The following KHDRBS2 variants were observed in gnomAD, a reference collection of about 807,000 sequenced individuals.
The protein encoded by KHDRBS2 is KH RNA binding domain containing, signal transduction associated 2, also known as KH domain-containing, RNA-binding, signal transduction-associated protein 2.
Under a neutral mutation model 44.3 loss-of-function variants are expected in KHDRBS2, and 26 were observed. The observed-to-expected ratio is 0.59, with a 90% confidence interval of 0.43 to 0.81. The LOEUF is 0.81. Ranked by LOEUF, KHDRBS2 falls within the 40% of genes least tolerant of loss-of-function variation. KHDRBS2 has a pLI of 0.00. For missense variants in KHDRBS2, 476 were observed against 433.1 expected (o/e 1.10, Z -0.88); for synonymous variants, 194 against 151.1 (o/e 1.28, Z -2.08).
chr6:62,053,559 TTGATA>T (rs1385892865), intron 2 of KHDRBS2, among the ~76,000 whole-genome samples: 9 of 152,092 alleles, frequency 5.9e-5, no homozygotes. Flanking sequence ...GAAAAATGAT[TTGATA>T]GAATTTAAAC....
intron 4 of KHDRBS2, among the ~76,000 whole-genome samples, chr6:61,914,605 A>T (rs551777665): frequency 2.0e-5 from 3 of 152,188 alleles, no homozygotes; most frequent in South Asian, 2.1e-4. Flanking sequence ...ACATGTATAC[A>T]TATGTAAGAA....
chr6:62,163,685 CAA>C (rs1435017295), intron 2 of KHDRBS2, among the ~76,000 whole-genome samples: 2 of 151,986 alleles, frequency 1.3e-5, no homozygotes, highest in Non-Finnish European at 1.5e-5. Context: ...TGGTTTAATG[CAA>C]AGAGGATCTT....
At position 61,746,229 on chromosome 6, in the gene KHDRBS2, G is replaced by A. The variant is rs192940727; in HGVS notation, c.811-13465C>T. Among the ~76,000 whole-genome samples the A allele has an allele frequency of 2.2e-3, 341 of 152,190 alleles. 2 individuals are homozygous for A. Among genetic ancestry groups the A allele is most frequent in the African/African-American group, 8.0e-3 (332 of 41,526 alleles). ...TGACTAAGAACAGGATCAAGTTTCA[G>A]AAGAGAAGTTTAGAAGACGTCATCT... On this transcript the variant is annotated intron_variant, in intron 6 of 8. Transcript: ENST00000281156.
chr6:62,080,912 C>G (rs1043235048), intron 2 of KHDRBS2, among the ~76,000 whole-genome samples: 4 of 152,060 alleles, frequency 2.6e-5, no homozygotes, highest in African/African-American at 9.7e-5. Flanking sequence ...CTTATGGCAG[C>G]CTTCTTCTAT....
In KHDRBS2 at chr6:61,970,393, A is replaced by G. The variant is rs115021581; in HGVS notation, c.483+7673T>C. 2.4e-3 allele frequency among the ~76,000 whole-genome samples: 359 copies of G among 152,242 alleles called. 4 individuals carry two copies. Among genetic ancestry groups the G allele is most frequent in the African/African-American group, 8.1e-3 (337 of 41,584 alleles). On this transcript the variant is annotated intron_variant, in intron 4 of 8. Coordinates refer to ENST00000281156, the MANE Select transcript of KHDRBS2 (RefSeq NM_152688.4). ...TTATTTCAAGTATGGGCTGATGAGA[A>G]AAGAGCAACACCTGAGCATATCTTG...
chr6:61,975,070 A>G lies in KHDRBS2; in HGVS notation c.483+2996T>C, dbSNP rs138306082. On this transcript the variant is annotated intron_variant, in intron 4 of 8. Transcript: ENST00000281156. ...TCTTTTGTCTTCAGCAATCCACTTA[A>G]AATGCTGAAAGTGGGTTGTTTACCA... Among the ~76,000 whole-genome samples the G allele has an allele frequency of 3.2e-3, 491 of 152,282 alleles. 4 individuals carry two copies. The highest frequency in any genetic ancestry group is 0.011 in the African/African-American group (463 of 41,568).
chr6:62,107,913 C>T (rs951090425), intron 2 of KHDRBS2, among the ~76,000 whole-genome samples: 1 of 152,074 alleles, frequency 6.6e-6, no homozygotes, highest in Non-Finnish European at 1.5e-5. Flanking sequence ...GAAACTGGAT[C>T]CCTTCCTTAC....
chr6:61,627,859 T>C, the KHDRBS2 span, among the ~76,000 whole-genome samples: 1 of 152,154 alleles, frequency 6.6e-6, no homozygotes, highest in African/African-American at 2.4e-5. Context: ...TAAGTTGTTC[T>C]AGTGAATTTT....
chr6:62,181,247 A>G (rs182645141), intron 1 of KHDRBS2, among the ~76,000 whole-genome samples: 1 of 152,074 alleles, frequency 6.6e-6, no homozygotes, highest in African/African-American at 2.4e-5. Flanking sequence ...AGTCAACAAA[A>G]TGAAAATGTG....
intron 1 of KHDRBS2, among the ~76,000 whole-genome samples, chr6:62,271,853 T>TA (rs1457141782): frequency 6.6e-6 from 1 of 152,102 alleles, no homozygotes. Flanking sequence ...GCTTATAAAG[T>TA]AAAAAAGTTA....
chr6:61,805,806 A>G (rs1026566518), intron 6 of KHDRBS2, among the ~76,000 whole-genome samples: 2 of 152,196 alleles, frequency 1.3e-5, no homozygotes, highest in African/African-American at 4.8e-5. Flanking sequence ...ACCTCCTATG[A>G]GGTCCCTCGC....
chr6:61,778,134 G>A (rs921325041), intron 6 of KHDRBS2, among the ~76,000 whole-genome samples: 2 of 152,072 alleles, frequency 1.3e-5, no homozygotes, highest in African/African-American at 2.4e-5. Flanking sequence ...ATCAGCCTTT[G>A]TACCATGTAA....
chr6:61,836,239 C>G (rs1347332594), intron 6 of KHDRBS2, among the ~76,000 whole-genome samples: 2 of 151,996 alleles, frequency 1.3e-5, no homozygotes, highest in Non-Finnish European at 2.9e-5. Context: ...TTGTTCAACA[C>G]AAAATGGCTA....
intron 2 of KHDRBS2, among the ~76,000 whole-genome samples, chr6:62,131,025 T>A (rs1810174668): frequency 6.6e-6 from 1 of 152,112 alleles, no homozygotes; most frequent in Non-Finnish European, 1.5e-5. Flanking sequence ...TAAGAATTAA[T>A]ATTATTAACA....
At chr6:62,236,487 T>G (rs1833727714) in intron 1 of KHDRBS2, among the ~76,000 whole-genome samples, 1 of 151,896 alleles carries the variant, frequency 6.6e-6, no homozygotes, top group Admixed American at 6.6e-5. Context: ...CAGAATAATT[T>G]TATATATTTT....
chr6:62,246,624 C>A (rs1835624753), intron 1 of KHDRBS2, among the ~76,000 whole-genome samples: 1 of 151,918 alleles, frequency 6.6e-6, no homozygotes, highest in South Asian at 2.1e-4. Context: ...AGACATAGAG[C>A]CATTTTCAAA....
chr6:61,758,684 A>G (rs1178391571), intron 6 of KHDRBS2, among the ~76,000 whole-genome samples: 1 of 152,118 alleles, frequency 6.6e-6, no homozygotes, highest in Non-Finnish European at 1.5e-5. Context: ...AGAGTCCAAC[A>G]TAAAATATAC....
At chr6:61,655,731 T>C in the KHDRBS2 span, among the ~76,000 whole-genome samples, 5 of 152,118 alleles carry the variant, frequency 3.3e-5, no homozygotes, top group Non-Finnish European at 7.4e-5. Flanking sequence ...GTTAATATCC[T>C]ATTTTATAAA....
chr6:61,722,112 A>C (rs1284091219), intron 7 of KHDRBS2, among the ~76,000 whole-genome samples: 6 of 152,144 alleles, frequency 3.9e-5, no homozygotes, highest in East Asian at 1.9e-4. Flanking sequence ...ACCAGCCTTG[A>C]ATCCCAGGGA....
Sources: allele counts gnomAD v4.1 joint callset (sites outside exome capture counted in the v4.1 genomes callset), GRCh38; gene constraint gnomAD v4.1.1; transcripts MANE v1.5; gene names NCBI Gene and HGNC (gene_info 2026-07-23, HGNC 2026-07-21).